KPNA1: variants seen among roughly 807,000 people sequenced by gnomAD.
KPNA1 encodes the protein karyopherin subunit alpha 1.
KPNA1 carries 10 observed loss-of-function variants against 70.5 expected under a neutral mutation model. That is an observed-to-expected ratio of 0.14 (90% CI 0.09 to 0.24). The LOEUF (loss-of-function observed/expected upper bound fraction) is 0.24. Ranked by LOEUF, KPNA1 falls within the 10% of genes least tolerant of loss-of-function variation. The pLI is 1.00. For synonymous variants in KPNA1, 192 were observed against 221.9 expected (o/e 0.87, Z 1.20); for missense variants, 397 against 637.9 (o/e 0.62, Z 4.07).
chr3:122,447,920 GA>G (rs560390647), intron 9 of KPNA1, among the ~76,000 whole-genome samples: 2,240 of 150,692 alleles, frequency 0.015, 30 homozygotes, highest in South Asian at 0.036. Flanking sequence ...TAATTTACAA[GA>G]AAAAAAAACC....
In KPNA1 at chr3:122,436,215, AT is replaced by A. The variant is rs199963495; in HGVS notation, c.1122+954del. On this transcript the variant is annotated intron_variant, in intron 11 of 13. Coordinates refer to ENST00000344337, the MANE Select transcript of KPNA1 (RefSeq NM_002264.4). Reference sequence around the variant, plus strand: ...GGACGAGGAAATTCCCGCCTAGTAAATTTTAGTCAGACTGGTTGTCTGTTCT... The same window carrying A: ...GGACGAGGAAATTCCCGCCTAGTAAATTTAGTCAGACTGGTTGTCTGTTCT... Among the ~76,000 whole-genome samples the A allele has an allele frequency of 3.9e-3, 595 of 152,274 alleles. 4 individuals carry two copies. The highest frequency in any genetic ancestry group is 0.014 in the African/African-American group (570 of 41,538).
intron 10 of KPNA1, among the ~76,000 whole-genome samples, chr3:122,440,058 T>C (rs2076042897): frequency 6.6e-6 from 1 of 152,202 alleles, no homozygotes; most frequent in African/African-American, 2.4e-5. Context: ...GAAGTAGATG[T>C]AGAGATTCAG....
Position 122,464,015 on chromosome 3 carries a change from A to C in KPNA1, c.264T>G (p.Ile88Met). Residue 88 changes from isoleucine to methionine, a missense_variant, in exon 4 of 14, where the codon ATT becomes ATG. By Grantham distance (10) the Ile-to-Met change is conservative. Coordinates refer to ENST00000344337, the MANE Select transcript of KPNA1 (RefSeq NM_002264.4). ...APGGVITSDM[I>M]EMIFSKSPEQ... The stretch of plus-strand genomic sequence containing the variant: ...CTGGGCTTTTGGAAAATATCATTTC[A>C]ATCATGTCAGAAGTGATGACACCAC... 6.2e-7 allele frequency: 1 copy of C among 1,604,754 alleles called. No homozygotes were observed. The highest frequency in any genetic ancestry group is 2.2e-5 in the East Asian group (1 of 44,740).
chr3:122,484,617 T>C (rs1379646971), intron 2 of KPNA1, among the ~76,000 whole-genome samples: 2 of 151,350 alleles, frequency 1.3e-5, no homozygotes, highest in East Asian at 3.9e-4. Context: ...CACTCCAGCC[T>C]GGGAGACAGA....
intron 6 of KPNA1, among the ~76,000 whole-genome samples, chr3:122,453,629 C>A (rs997280016): frequency 6.6e-6 from 1 of 151,958 alleles, no homozygotes; most frequent in Non-Finnish European, 1.5e-5. Flanking sequence ...CTCCACCTCT[C>A]GGGTTCAAGC....
intron 5 of KPNA1, chr3:122,459,822 C>G (rs2076303191): frequency 2.0e-6 from 2 of 985,348 alleles, no homozygotes. Flanking sequence ...ATCACCGCAA[C>G]AAAGAGTGTA....
chr3:122,513,835 C>A (rs1054039611), intron 1 of KPNA1, among the ~76,000 whole-genome samples: 1 of 152,182 alleles, frequency 6.6e-6, no homozygotes, highest in African/African-American at 2.4e-5. Flanking sequence ...GAAGCTGAGG[C>A]AAGAGGACAG....
In KPNA1 at chr3:122,423,554, T is replaced by C. The variant is rs1271131395; in HGVS notation, c.*3431A>G. On this transcript the variant is annotated 3_prime_UTR_variant, in exon 14 of 14. Transcript: ENST00000344337. ...ATTGATATAAAAATTTTCACAAAAC[T>C]AGCGAGAAAGAAAAACCCCTTGACT... is the stretch of plus-strand genomic sequence containing the variant. The C allele has an allele frequency of 1.3e-5, 2 of 152,550 alleles. No individual in the cohort carries two copies. Among genetic ancestry groups the C allele is most frequent in the Non-Finnish European group, 2.9e-5 (2 of 68,006 alleles). 9.4% of individuals were successfully genotyped at this position (152,550 alleles called of 1,614,324 possible). A position where few individuals can be genotyped will look rare whatever the true frequency, so the allele number is the denominator to read the frequency against.
intron 12 of KPNA1, among the ~76,000 whole-genome samples, chr3:122,430,202 A>G (rs902703059): frequency 6.6e-6 from 1 of 151,976 alleles, no homozygotes; most frequent in African/African-American, 2.4e-5. Flanking sequence ...GATTTAACCC[A>G]CCACCACTAC....
At chr3:122,509,544 T>A (rs557046645) in intron 1 of KPNA1, among the ~76,000 whole-genome samples, 3 of 152,138 alleles carry the variant, frequency 2.0e-5, no homozygotes, top group Admixed American at 2.0e-4. Context: ...CAACTATACA[T>A]ACTTACAACA....
chr3:122,480,910 C>T (rs1409712670), intron 2 of KPNA1, among the ~76,000 whole-genome samples: 1 of 151,982 alleles, frequency 6.6e-6, no homozygotes, highest in Non-Finnish European at 1.5e-5. Context: ...GATCACTTGA[C>T]CCTGGGAGCT....
chr3:122,476,861 C>CAAAAAAAAAAAAA (rs144118691), intron 2 of KPNA1, among the ~76,000 whole-genome samples: 845 of 65,432 alleles, frequency 0.013, 68 homozygotes, highest in East Asian at 0.061. Flanking sequence ...GGAGGTTCCA[C>CAAAAAAAAAAAAA]AAAAAAAAAA....
At chr3:122,476,487 G>A (rs187308741) in intron 2 of KPNA1, among the ~76,000 whole-genome samples, 2 of 152,206 alleles carry the variant, frequency 1.3e-5, no homozygotes, top group Non-Finnish European at 2.9e-5. Context: ...GATAATTTAT[G>A]CAACAGAAGA....
rs371853198 is a variant in KPNA1 at position 122,465,019 on chromosome 3, C to CAT, written c.238-980_238-979dup. ...ATGAATATGTTTGCATAAACACATT[C>CAT]ATATATATATATACACACATTAAGC... On this transcript the variant is annotated intron_variant, in intron 3 of 13. Coordinates refer to ENST00000344337, the MANE Select transcript of KPNA1 (RefSeq NM_002264.4). 5.1e-4 allele frequency among the ~76,000 whole-genome samples: 78 copies of CAT among 151,872 alleles called. 1 individual carries two copies. Among genetic ancestry groups the CAT allele is most frequent in the South Asian group, 3.1e-3 (15 of 4,812 alleles).
chr3:122,431,945 G>A (rs528027201), intron 12 of KPNA1, among the ~76,000 whole-genome samples: 42 of 151,680 alleles, frequency 2.8e-4, no homozygotes, highest in Non-Finnish European at 5.6e-4. Context: ...CTGGGATTAC[G>A]GGTGCACGCC....
intron 2 of KPNA1, among the ~76,000 whole-genome samples, chr3:122,495,943 T>C (rs1252228774): frequency 1.3e-5 from 2 of 152,160 alleles, no homozygotes; most frequent in African/African-American, 2.4e-5. Flanking sequence ...AACAAAGAAA[T>C]GTAAAGACAA....
chr3:122,499,379 A>C (rs766562899), intron 1 of KPNA1, among the ~76,000 whole-genome samples: 1 of 152,180 alleles, frequency 6.6e-6, no homozygotes, highest in Admixed American at 6.5e-5. Flanking sequence ...TGACTGTTTT[A>C]TAATTAAAGA....
At chr3:122,495,026 C>G (rs2107496930) in intron 2 of KPNA1, among the ~76,000 whole-genome samples, 1 of 151,962 alleles carries the variant, frequency 6.6e-6, no homozygotes, top group African/African-American at 2.4e-5. Flanking sequence ...CTGAGGCAGG[C>G]AGATCACGAG....
intron 10 of KPNA1, among the ~76,000 whole-genome samples, chr3:122,440,055 A>C (rs1434127375): frequency 6.6e-6 from 1 of 152,228 alleles, no homozygotes; most frequent in East Asian, 1.9e-4. Flanking sequence ...TCAGAAGTAG[A>C]TGTAGAGATT....
Sources: allele counts gnomAD v4.1 joint callset (sites outside exome capture counted in the v4.1 genomes callset), GRCh38; gene constraint gnomAD v4.1.1; transcripts MANE v1.5; gene names NCBI Gene and HGNC (gene_info 2026-07-23, HGNC 2026-07-21).